OR14L1: variants seen among roughly 807,000 people sequenced by gnomAD.
The protein encoded by OR14L1 is olfactory receptor family 14 subfamily L member 1.
At chr1:247,622,030 C>T in the OR14L1 span, 1 of 152,142 alleles carries the variant, frequency 6.6e-6, no homozygotes, top group Non-Finnish European at 1.5e-5. Context: ...ATGCCTTTGA[C>T]CTACTGATTC....
chr1:247,621,167 T>G, the OR14L1 span: 2 of 152,210 alleles, frequency 1.3e-5, no homozygotes, highest in African/African-American at 2.4e-5. Context: ...AGGAGAAATG[T>G]CATTTTCATT....
the OR14L1 span, among the ~76,000 whole-genome samples, chr1:247,617,761 T>C: frequency 7.0e-6 from 1 of 142,262 alleles, no homozygotes. Context: ...GATGAGTCTA[T>C]ATTTCTTTTC....
the OR14L1 span, among the ~76,000 whole-genome samples, chr1:247,619,133 T>C: frequency 6.6e-6 from 1 of 152,152 alleles, no homozygotes; most frequent in African/African-American, 2.4e-5. Flanking sequence ...CACTAAATAG[T>C]TATGACATAA....
chr1:247,618,559 C>T, the OR14L1 span, among the ~76,000 whole-genome samples: 123 of 151,864 alleles, frequency 8.1e-4, no homozygotes, highest in African/African-American at 2.2e-3. Flanking sequence ...TAAAGTGAGT[C>T]GCAGATGCTA....
At chr1:247,621,504 G>A in the OR14L1 span, 1 of 152,164 alleles carries the variant, frequency 6.6e-6, no homozygotes, top group Admixed American at 6.6e-5. Context: ...ATCAGGCAAT[G>A]TAATATATCA....
the OR14L1 span, among the ~76,000 whole-genome samples, chr1:247,617,727 T>TGTGTGTG: frequency 6.6e-6 from 1 of 150,440 alleles, no homozygotes; most frequent in Non-Finnish European, 1.5e-5. Context: ...TGTGTGTGTG[T>TGTGTGTG]AGTCTCGATG....
the OR14L1 span, among the ~76,000 whole-genome samples, chr1:247,618,745 A>C: frequency 1.3e-5 from 2 of 152,148 alleles, no homozygotes; most frequent in African/African-American, 4.8e-5. Context: ...GCATACGATA[A>C]ATACTTCTGT....
chr1:247,621,370 C>T, the OR14L1 span: 2 of 152,036 alleles, frequency 1.3e-5, no homozygotes, highest in African/African-American at 2.4e-5. Context: ...AAATAGCATC[C>T]TACCTTAGTT....
At chr1:247,622,292 G>A in the OR14L1 span, 2 of 152,040 alleles carry the variant, frequency 1.3e-5, no homozygotes, top group African/African-American at 2.4e-5. Context: ...GATGTTCAAT[G>A]TTACTATTGT....
At chr1:247,618,203 G>A in the OR14L1 span, among the ~76,000 whole-genome samples, 3 of 151,928 alleles carry the variant, frequency 2.0e-5, no homozygotes, top group South Asian at 2.1e-4. Context: ...TTTCTTTCTC[G>A]GTTTAACTTT....
the OR14L1 span, chr1:247,617,284 T>C: frequency 6.6e-6 from 1 of 152,322 alleles, no homozygotes; most frequent in South Asian, 2.1e-4. Flanking sequence ...TTTTTCAATT[T>C]TATCTGATAT....
chr1:247,622,314 G>T, the OR14L1 span: 1 of 151,942 alleles, frequency 6.6e-6, no homozygotes, highest in African/African-American at 2.4e-5. Flanking sequence ...TTTGTTTCGG[G>T]GAGCCATGAA....
chr1:247,620,937 C>T, the OR14L1 span: 3 of 151,800 alleles, frequency 2.0e-5, no homozygotes, highest in Admixed American at 1.3e-4. Context: ...TTAATTACAG[C>T]AGAACAAGAT....
the OR14L1 span, chr1:247,617,432 C>T: frequency 2.0e-5 from 3 of 152,102 alleles, no homozygotes; most frequent in African/African-American, 7.2e-5. Flanking sequence ...GAAAATAAAA[C>T]CATAAATAAT....
the OR14L1 span, among the ~76,000 whole-genome samples, chr1:247,619,167 A>C: frequency 6.6e-6 from 1 of 152,334 alleles, no homozygotes; most frequent in East Asian, 1.9e-4. Context: ...CAGATTACTA[A>C]TACCACTTTG....
At chr1:247,621,207 ATCT>A in the OR14L1 span, 1 of 152,192 alleles carries the variant, frequency 6.6e-6, no homozygotes, top group Non-Finnish European at 1.5e-5. Context: ...GCTAACTAAA[ATCT>A]TCTTCCATTT....
chr1:247,622,106 A>G, the OR14L1 span: 1 of 152,134 alleles, frequency 6.6e-6, no homozygotes, highest in Non-Finnish European at 1.5e-5. Context: ...TTTCACAAAT[A>G]TTGCATTTTT....
the OR14L1 span, among the ~76,000 whole-genome samples, chr1:247,618,302 A>C: frequency 6.6e-6 from 1 of 152,182 alleles, no homozygotes; most frequent in African/African-American, 2.4e-5. Context: ...AGGATAAGGA[A>C]TATTTTGGAT....
the OR14L1 span, among the ~76,000 whole-genome samples, chr1:247,617,556 G>A: frequency 6.6e-6 from 1 of 152,014 alleles, no homozygotes; most frequent in Admixed American, 6.6e-5. Flanking sequence ...TTCTTTTTTT[G>A]GGGTGATAGC....
Sources: allele counts gnomAD v4.1 joint callset (sites outside exome capture counted in the v4.1 genomes callset), GRCh38; gene constraint gnomAD v4.1.1; transcripts MANE v1.5; gene names NCBI Gene and HGNC (gene_info 2026-07-23, HGNC 2026-07-21).